SNCAIP: variants seen among roughly 807,000 people sequenced by gnomAD.
SNCAIP encodes synuclein alpha interacting protein.
SNCAIP carries 43 observed loss-of-function variants against 86.7 expected under a neutral mutation model. The ratio of observed to expected loss-of-function variants is 0.50; its 90% confidence interval spans 0.39 to 0.64. The LOEUF (loss-of-function observed/expected upper bound fraction) is 0.64. SNCAIP is among the 30% of genes least tolerant of loss of function. The probability of loss-of-function intolerance (pLI) is 0.00; values close to 1 mark genes in which losing one functional copy is unlikely to be tolerated. For synonymous variants in SNCAIP, 417 were observed against 427.2 expected (o/e 0.98, Z 0.29); for missense variants, 981 against 1,103.1 (o/e 0.89, Z 1.57).
chr5:122,354,631 G>A (rs12514003), intron 1 of SNCAIP, among the ~76,000 whole-genome samples: 137 of 152,292 alleles, frequency 9.0e-4, no homozygotes, highest in Admixed American at 7.1e-3. Flanking sequence ...GATATATAGT[G>A]AAGTAATCAT....
At chr5:122,380,008 G>A (rs552110854) in intron 1 of SNCAIP, among the ~76,000 whole-genome samples, 79 of 151,394 alleles carry the variant, frequency 5.2e-4, no homozygotes, top group African/African-American at 1.7e-3. Flanking sequence ...TCTCTTTTTT[G>A]GTTGTGTCTC....
intron 3 of SNCAIP, among the ~76,000 whole-genome samples, chr5:122,413,755 A>G (rs1273034467): frequency 6.6e-6 from 1 of 152,208 alleles, no homozygotes; most frequent in Non-Finnish European, 1.5e-5. Flanking sequence ...GAAAAAAGAA[A>G]AAAAAAGGAT....
chr5:122,423,766 T>A, intron 4 of SNCAIP, 27 bp downstream of exon 4: 1 of 1,581,134 alleles, frequency 6.3e-7, no homozygotes, highest in South Asian at 1.1e-5. Context: ...TCAGTATACA[T>A]GTCAATAGAC....
intron 1 of SNCAIP, among the ~76,000 whole-genome samples, chr5:122,353,842 G>A (rs534544984): frequency 3.9e-5 from 6 of 152,144 alleles, no homozygotes; most frequent in East Asian, 3.9e-4. Context: ...GGACTAATAC[G>A]GCAGGGATTG....
intron 1 of SNCAIP, among the ~76,000 whole-genome samples, chr5:122,351,565 A>AAAAAAAAAAAAAAAC (rs1759841028): frequency 2.1e-5 from 3 of 144,718 alleles, no homozygotes; most frequent in African/African-American, 2.6e-5. Context: ...AAAAAAAAAA[A>AAAAAAAAAAAAAAAC]AGAACTAATT....
chr5:122,382,334 T>C (rs890475169), intron 1 of SNCAIP, among the ~76,000 whole-genome samples: 1 of 152,226 alleles, frequency 6.6e-6, no homozygotes, highest in South Asian at 2.1e-4. Context: ...TTGATCGCAT[T>C]GGCTCCTGAG....
Position 122,463,494 on chromosome 5 carries a change from T to G in SNCAIP, c.2758T>G (p.Ter920GluextTer1). The change falls in exon 11 of 11, where the codon TAA becomes GAA. Residue 920 changes from the stop codon to glutamate (E), a stop_lost. Transcript: ENST00000261368. ...SASKGKNKAA* is the reference protein window; with the variant it reads ...SASKGKNKAAE ...CTGTGGTTTCTCTTCTGCTTAGGCA[T>G]AATGACATCAATAGAAAAATGAAGA... is the stretch of plus-strand genomic sequence containing the variant. 6.3e-7 allele frequency: 1 copy of G among 1,595,460 alleles called. No individual in the cohort carries two copies. Among genetic ancestry groups the G allele is most frequent in the Non-Finnish European group, 8.6e-7 (1 of 1,164,026 alleles).
intron 10 of SNCAIP, among the ~76,000 whole-genome samples, chr5:122,455,901 A>C (rs981746676): frequency 1.3e-5 from 2 of 152,196 alleles, no homozygotes; most frequent in Non-Finnish European, 2.9e-5. Flanking sequence ...TTGGTTTATA[A>C]CAAGCAGATT....
chr5:122,423,353 C>G lies in SNCAIP; in HGVS notation c.616C>G (p.Pro206Ala), dbSNP rs199677929. ...SSESSSSNMA[P>A]FCVLSPVKSP... ...TGAGAGCTCATCATCCAACATGGCA[C>G]CATTTTGTGTTCTTTCTCCCGTGAA... The change falls in exon 4 of 11, where the codon CCA becomes GCA. Residue 206 changes from proline (P) to alanine (A), a missense_variant. By Grantham distance (27) the Pro-to-Ala change is conservative. Coordinates refer to ENST00000261368, the MANE Select transcript of SNCAIP (RefSeq NM_005460.4). The G allele has an allele frequency of 7.2e-5, 116 of 1,613,850 alleles. No homozygotes were observed. In the Admixed American group the frequency reaches 7.8e-4, roughly 11 times the overall value.
intron 1 of SNCAIP, among the ~76,000 whole-genome samples, chr5:122,354,261 C>T (rs965615608): frequency 2.6e-5 from 4 of 152,138 alleles, no homozygotes; most frequent in Admixed American, 2.6e-4. Context: ...ACTGGACTTG[C>T]CTTCCTACTT....
intron 2 of SNCAIP, among the ~76,000 whole-genome samples, chr5:122,402,781 T>G (rs1027151730): frequency 6.6e-6 from 1 of 152,204 alleles, no homozygotes; most frequent in Non-Finnish European, 1.5e-5. Context: ...TTCTTTTAGA[T>G]TAAATGCTTT....
chr5:122,393,232 C>T (rs1294976262), intron 2 of SNCAIP, among the ~76,000 whole-genome samples: 1 of 152,012 alleles, frequency 6.6e-6, no homozygotes, highest in African/African-American at 2.4e-5. Context: ...TTTGAAATTG[C>T]ATAGATTTGA....
intron 6 of SNCAIP, among the ~76,000 whole-genome samples, chr5:122,435,892 A>G (rs984182563): frequency 6.6e-6 from 1 of 152,214 alleles, no homozygotes; most frequent in South Asian, 2.1e-4. Flanking sequence ...AAAGCAAAAT[A>G]GAAGAGTCTT....
intron 3 of SNCAIP, among the ~76,000 whole-genome samples, chr5:122,409,648 G>A (rs1773720363): frequency 6.6e-6 from 1 of 152,152 alleles, no homozygotes; most frequent in African/African-American, 2.4e-5. Flanking sequence ...ACATTTAAAA[G>A]CATTGCAAAT....
intron 10 of SNCAIP, chr5:122,451,830 A>T: frequency 2.0e-6 from 1 of 509,568 alleles, no homozygotes; most frequent in South Asian, 2.6e-5. Context: ...GTTAAAAAAA[A>T]AATAAGAGAT....
At position 122,432,086 on chromosome 5, in the gene SNCAIP, T is replaced by G; in HGVS notation, c.1296+4T>G. 1.5e-6 allele frequency: 2 copies of G among 1,321,442 alleles called. No individual in the cohort carries two copies. Among genetic ancestry groups the G allele is most frequent in the Non-Finnish European group, 1.1e-6 (1 of 913,276 alleles). The allele number at this position is 1,321,442 out of a possible 1,614,324, so 81.9% of individuals were successfully genotyped here. On this transcript the variant is annotated splice_donor_region_variant and intron_variant, in intron 6 of 10. Transcript: ENST00000261368. ...TTACGCAGGTTGCTATGGCCAGGTA[T>G]GAAGGAGTTTTTTAAGTATCTTCCC... is the stretch of plus-strand genomic sequence containing the variant.
chr5:122,419,355 TGCTAAA>T (rs1211944631), intron 3 of SNCAIP, among the ~76,000 whole-genome samples: 1 of 152,178 alleles, frequency 6.6e-6, no homozygotes, highest in Admixed American at 6.5e-5. Flanking sequence ...GCAAATACTT[TGCTAAA>T]GCTAAGTGGC....
At chr5:122,359,530 A>T (rs1033350246) in intron 1 of SNCAIP, among the ~76,000 whole-genome samples, 2 of 151,306 alleles carry the variant, frequency 1.3e-5, no homozygotes, top group African/African-American at 4.9e-5. Flanking sequence ...CGCCTGGCAA[A>T]TTTTTTGTAT....
chr5:122,377,631 T>A (rs911869250), intron 1 of SNCAIP, among the ~76,000 whole-genome samples: 1 of 151,684 alleles, frequency 6.6e-6, no homozygotes, highest in African/African-American at 2.4e-5. Context: ...GCTGGTGCGC[T>A]GCACCTACTA....
Sources: allele counts gnomAD v4.1 joint callset (sites outside exome capture counted in the v4.1 genomes callset), GRCh38; gene constraint gnomAD v4.1.1; transcripts MANE v1.5; gene names NCBI Gene and HGNC (gene_info 2026-07-23, HGNC 2026-07-21).